HCN1: variants seen among roughly 807,000 people sequenced by gnomAD.
HCN1 encodes the protein hyperpolarization activated cyclic nucleotide gated potassium channel 1, also known as potassium/sodium hyperpolarization-activated cyclic nucleotide-gated channel 1.
HCN1 carries 13 observed loss-of-function variants against 78.9 expected under a neutral mutation model. That is an observed-to-expected ratio of 0.16 (90% CI 0.11 to 0.26). The LOEUF is 0.26. HCN1 is among the 10% of genes least tolerant of loss of function. The pLI is 1.00. For synonymous variants in HCN1, 552 were observed against 455.5 expected (o/e 1.21, Z -2.70); for missense variants, 810 against 1,154.3 (o/e 0.70, Z 4.32).
chr5:45,548,182 C>T (rs1743268575), intron 2 of HCN1, among the ~76,000 whole-genome samples: 1 of 151,868 alleles, frequency 6.6e-6, no homozygotes, highest in South Asian at 2.1e-4. Context: ...TACTGATACA[C>T]ATTTCTTATC....
intron 7 of HCN1, among the ~76,000 whole-genome samples, chr5:45,263,146 T>C (rs1301000405): frequency 6.6e-6 from 1 of 152,184 alleles, no homozygotes; most frequent in Admixed American, 6.5e-5. Context: ...GGAATCAACA[T>C]TTGATTTTAA....
At chr5:45,384,692 T>A (rs777971953) in intron 4 of HCN1, among the ~76,000 whole-genome samples, 4 of 152,178 alleles carry the variant, frequency 2.6e-5, no homozygotes, top group Non-Finnish European at 5.9e-5. Flanking sequence ...TTGGATGTTA[T>A]GGACTAATTT....
rs561286516 is a variant in HCN1, at chr5:45,288,467, T to C, written c.1618+15132A>G. 3.9e-5 allele frequency among the ~76,000 whole-genome samples: 6 copies of C among 152,132 alleles called. No individual in the cohort carries two copies. The South Asian group carries it at 1.0e-3, about 26-fold the overall frequency. ...GGAATCATTGGTCTGAAAGGGGCTG[T>C]AGAAAGCGTCTGTCTTAATAATCTC... On this transcript the variant is annotated intron_variant, in intron 6 of 7. Coordinates refer to ENST00000303230, the MANE Select transcript of HCN1 (RefSeq NM_021072.4).
chr5:45,418,162 C>T (rs945128609), intron 3 of HCN1, among the ~76,000 whole-genome samples: 6 of 151,402 alleles, frequency 4.0e-5, no homozygotes, highest in African/African-American at 1.5e-4. Context: ...AATGCATTTT[C>T]GTTATTTATC....
At chr5:45,343,721 A>G (rs1019497832) in intron 5 of HCN1, among the ~76,000 whole-genome samples, 2 of 152,154 alleles carry the variant, frequency 1.3e-5, no homozygotes, top group Non-Finnish European at 2.9e-5. Context: ...ATGAACTTTA[A>G]GGCAGGAACT....
chr5:45,504,370 G>A (rs969296607), intron 2 of HCN1, among the ~76,000 whole-genome samples: 8 of 151,982 alleles, frequency 5.3e-5, no homozygotes, highest in African/African-American at 1.2e-4. Flanking sequence ...TTGTTCTTGC[G>A]ATAGTTTGCT....
intron 2 of HCN1, among the ~76,000 whole-genome samples, chr5:45,464,923 C>A (rs113818028): frequency 6.6e-6 from 1 of 152,208 alleles, no homozygotes; most frequent in African/African-American, 2.4e-5. Context: ...TTATGCACAG[C>A]CACAACTTAT....
intron 2 of HCN1, among the ~76,000 whole-genome samples, chr5:45,609,799 C>T (rs1165112039): frequency 6.6e-6 from 1 of 152,056 alleles, no homozygotes; most frequent in Non-Finnish European, 1.5e-5. Flanking sequence ...TTATAACATG[C>T]AGGAGAAGCA....
chr5:45,521,685 A>G (rs1367372940), intron 2 of HCN1, among the ~76,000 whole-genome samples: 1 of 151,970 alleles, frequency 6.6e-6, no homozygotes, highest in African/African-American at 2.4e-5. Flanking sequence ...ATGCTGAAGT[A>G]CTAGGATTGA....
At chr5:45,463,546 C>A (rs550674038) in intron 2 of HCN1, among the ~76,000 whole-genome samples, 4 of 152,082 alleles carry the variant, frequency 2.6e-5, no homozygotes, top group South Asian at 2.1e-4. Flanking sequence ...TTTTACTTTT[C>A]TGTAAGCTAC....
chr5:45,419,136 C>A (rs181176561), intron 3 of HCN1, among the ~76,000 whole-genome samples: 271 of 152,256 alleles, frequency 1.8e-3, no homozygotes, highest in African/African-American at 6.1e-3. Context: ...ACTTTACAAG[C>A]TTCCTATGTT....
intron 4 of HCN1, among the ~76,000 whole-genome samples, chr5:45,378,277 T>C (rs1215957277): frequency 6.6e-6 from 1 of 152,098 alleles, no homozygotes; most frequent in African/African-American, 2.4e-5. Context: ...TGTTTTGTTG[T>C]TCTTCAGTTC....
At chr5:45,513,713 G>C (rs1233802281) in intron 2 of HCN1, among the ~76,000 whole-genome samples, 1 of 152,144 alleles carries the variant, frequency 6.6e-6, no homozygotes, top group Non-Finnish European at 1.5e-5. Flanking sequence ...ATTATCTAAG[G>C]TGGAACAGTT....
chr5:45,514,356 C>T (rs533505821), intron 2 of HCN1, among the ~76,000 whole-genome samples: 26 of 152,084 alleles, frequency 1.7e-4, no homozygotes, highest in Non-Finnish European at 3.1e-4. Flanking sequence ...AAAATAACCT[C>T]CAAAGCCGTC....
intron 3 of HCN1, among the ~76,000 whole-genome samples, chr5:45,408,658 T>A (rs1032375868): frequency 6.6e-6 from 1 of 152,208 alleles, no homozygotes; most frequent in African/African-American, 2.4e-5. Flanking sequence ...GTACTATTAA[T>A]GTGCACGTTT....
rs1465098839 is a variant in HCN1, at chr5:45,255,097, T to G, written c.*6824A>C. On this transcript the variant is annotated 3_prime_UTR_variant, in exon 8 of 8. Coordinates refer to ENST00000303230, the MANE Select transcript of HCN1 (RefSeq NM_021072.4). ...AAATTTATGTGACATAAGGAAATTA[T>G]AATACCTAACACATATTAGTTTTCT... is the stretch of plus-strand genomic sequence containing the variant. 6.6e-6 allele frequency: 1 copy of G among 152,238 alleles called. No homozygotes were observed. Among genetic ancestry groups the G allele is most frequent in the Admixed American group, 6.5e-5 (1 of 15,288 alleles). 9.4% of individuals were successfully genotyped at this position (152,238 alleles called of 1,614,324 possible).
In HCN1 at chr5:45,512,613, T is replaced by C. The variant is rs560068061; in HGVS notation, c.850-50606A>G. Reference sequence around the variant, plus strand: ...ATGAATATTTTTATTTATTTATTTGTTGAATTGGCATTCTTTAAAAAAATA... The same window carrying C: ...ATGAATATTTTTATTTATTTATTTGCTGAATTGGCATTCTTTAAAAAAATA... On this transcript the variant is annotated intron_variant, in intron 2 of 7. Transcript: ENST00000303230. 9.2e-5 allele frequency among the ~76,000 whole-genome samples: 14 copies of C among 152,264 alleles called. 1 individual carries two copies. The highest frequency in any genetic ancestry group is 2.9e-4 in the African/African-American group (12 of 41,574).
intron 2 of HCN1, among the ~76,000 whole-genome samples, chr5:45,551,486 A>T (rs1008060412): frequency 6.6e-6 from 1 of 151,878 alleles, no homozygotes; most frequent in Non-Finnish European, 1.5e-5. Context: ...GTCAACAAGG[A>T]CATGATATAT....
chr5:45,509,219 G>A (rs555878465), intron 2 of HCN1, among the ~76,000 whole-genome samples: 7 of 152,174 alleles, frequency 4.6e-5, no homozygotes, highest in Admixed American at 3.9e-4. Flanking sequence ...TAGCAGAGCG[G>A]AGAGATTGCC....
Sources: gnomAD v4.1 joint callset for allele counts (sites outside exome capture counted in the v4.1 genomes callset) on GRCh38, gnomAD v4.1.1 for gene constraint, MANE v1.5 for transcripts, NCBI Gene and HGNC (gene_info 2026-07-23, HGNC 2026-07-21) for gene names.